Variants in HKDC1 observed in about 807,000 individuals in gnomAD.
HKDC1 encodes hexokinase domain containing 1, also known as hexokinase HKDC1.
In HKDC1, 66 loss-of-function variants were observed where a neutral mutation model predicts 96.6. The ratio of observed to expected loss-of-function variants is 0.68; its 90% confidence interval spans 0.56 to 0.84. The LOEUF is 0.84. HKDC1 is among the 40% of genes least tolerant of loss of function. The probability of loss-of-function intolerance (pLI) is 0.00; values close to 1 mark genes in which losing one functional copy is unlikely to be tolerated. For missense variants in HKDC1, 1,211 were observed against 1,208.1 expected, an observed-to-expected ratio of 1.00 and a Z score of -0.04; for synonymous variants, 466 against 473.1, an observed-to-expected ratio of 0.98 and a Z score of 0.20.
intron 1 of HKDC1, among the ~76,000 whole-genome samples, chr10:69,221,578 G>C (rs1242335955): frequency 6.6e-6 from 1 of 152,118 alleles, no homozygotes; most frequent in African/African-American, 2.4e-5. Flanking sequence ...CAAGTTGGCT[G>C]ACTCTTCCTT....
At chr10:69,240,937 C>T (rs1174837327) in intron 6 of HKDC1, among the ~76,000 whole-genome samples, 186 bp downstream of exon 6, 5 of 152,116 alleles carry the variant, frequency 3.3e-5, no homozygotes, top group Admixed American at 6.6e-5. Context: ...CATTGTGTGC[C>T]GGCCCCTGGG....
At chr10:69,249,149 C>A (rs546363221) in intron 10 of HKDC1, among the ~76,000 whole-genome samples, 1 of 152,286 alleles carries the variant, frequency 6.6e-6, no homozygotes, top group Non-Finnish European at 1.5e-5. Context: ...GCTTCTGCCC[C>A]CAACTTCTCC....
At position 69,239,071 on chromosome 10, in the gene HKDC1, T is replaced by G. The variant is rs1003834962; in HGVS notation, c.525T>G (p.Phe175Leu). The G allele has an allele frequency of 1.2e-6, 2 of 1,613,834 alleles. No homozygotes were observed. Among genetic ancestry groups the G allele is most frequent in the Non-Finnish European group, 1.7e-6 (2 of 1,179,786 alleles). Residue 175 changes from phenylalanine to leucine, a missense_variant, in exon 5 of 18, where the codon TTT (phenylalanine) becomes TTG (leucine). By Grantham distance (22) the Phe-to-Leu change is conservative (BLOSUM62 0). Transcript: ENST00000354624. Reference protein sequence around the residue: ...EGVLLSWTKKFKARGVQDTDV... With the variant: ...EGVLLSWTKKLKARGVQDTDV... The stretch of plus-strand genomic sequence containing the variant: ...TCCTACTTTCGTGGACAAAAAAGTT[T>G]AAGGCACGAGGAGTTCAGGACACGG...
intron 2 of HKDC1, among the ~76,000 whole-genome samples, chr10:69,231,174 C>T (rs1564725952): frequency 1.3e-5 from 2 of 152,180 alleles, no homozygotes; most frequent in Admixed American, 6.5e-5. Flanking sequence ...CATCCCCTCC[C>T]GTCCGATGGC....
At chr10:69,249,747 C>G (rs1589412755) in intron 10 of HKDC1, among the ~76,000 whole-genome samples, 2 of 152,082 alleles carry the variant, frequency 1.3e-5, no homozygotes, top group South Asian at 4.2e-4. Context: ...GATCCACCTG[C>G]CTCGGCCTCC....
chr10:69,226,988 C>CT (rs1843168333), intron 1 of HKDC1, among the ~76,000 whole-genome samples: 1 of 152,186 alleles, frequency 6.6e-6, no homozygotes, highest in African/African-American at 2.4e-5. Flanking sequence ...AGAGAAGTAA[C>CT]TCCACACCTT....
intron 16 of HKDC1, among the ~76,000 whole-genome samples, chr10:69,265,082 A>C (rs1164408157): frequency 2.6e-5 from 4 of 152,264 alleles, no homozygotes; most frequent in African/African-American, 9.6e-5. Context: ...AGAAATGAGA[A>C]AAAGGGAAGA....
intron 4 of HKDC1, among the ~76,000 whole-genome samples, chr10:69,237,277 T>TTGTGTGTGTGTGTGTGTG (rs71035080): frequency 1.4e-5 from 2 of 145,598 alleles, no homozygotes; most frequent in Non-Finnish European, 1.5e-5. Context: ...AGAAATTTCT[T>TTGTGTGTGTGTGTGTGTG]TGTGTGTGTG....
At chr10:69,246,323 G>A in intron 8 of HKDC1, 89 bp downstream of exon 8, 4 of 1,365,030 alleles carry the variant, frequency 2.9e-6, no homozygotes, top group Non-Finnish European at 3.1e-6. Flanking sequence ...CAGCAGGAGG[G>A]ACTAGATCCT....
intron 14 of HKDC1, 113 bp from the exon 15 acceptor site, chr10:69,258,663 C>G (rs1843757563): frequency 9.6e-7 from 1 of 1,040,988 alleles, no homozygotes; most frequent in Non-Finnish European, 1.5e-6. Context: ...AAGCTGGAAT[C>G]GCATCCAGTT....
rs575180113 is a variant in HKDC1, at chr10:69,232,850, G to A, written c.313G>A (p.Val105Met). 4.1e-5 allele frequency: 66 copies of A among 1,614,140 alleles called. No homozygotes were observed. The East Asian group carries it at 9.1e-4, about 22-fold the overall frequency. Reference sequence around the variant, plus strand: ...AGTCGCTGAAGAGGGGAAGCGACACGTGCAGATGGAGAGTCAGTTCTACCC... The same window carrying A: ...AGTCGCTGAAGAGGGGAAGCGACACATGCAGATGGAGAGTCAGTTCTACCC... ...VQVAEEGKRH[V>M]QMESQFYPTP... Residue 105 changes from valine (V) to methionine (M), a missense_variant, in exon 3 of 18, where the codon GTG becomes ATG. Transcript: ENST00000354624.
At chr10:69,261,921 G>A (rs1028617341) in intron 16 of HKDC1, 3 of 215,888 alleles carry the variant, frequency 1.4e-5, no homozygotes, top group Non-Finnish European at 2.9e-5. Flanking sequence ...GCAGCATTTA[G>A]CATTTTCCTC....
Position 69,232,785 on chromosome 10 carries a change from T to C in HKDC1, c.248T>C (p.Leu83Pro), listed in dbSNP as rs1843287628. 1.2e-6 allele frequency: 2 copies of C among 1,613,988 alleles called. No individual in the cohort carries two copies. The highest frequency in any genetic ancestry group is 2.7e-5 in the African/African-American group (2 of 74,918). ...ATAGAAAATGGGGAGTTCCTTTCCC[T>C]GGATCTCGGAGGGTCCAAGTTCCGA... Reference protein sequence around the residue: ...DGSENGEFLSLDLGGSKFRVL... With the variant: ...DGSENGEFLSPDLGGSKFRVL... The change falls in exon 3 of 18, where the codon CTG (leucine) becomes CCG (proline). Residue 83 changes from leucine to proline, a missense_variant. Leu to Pro is a moderately conservative substitution (Grantham distance 98). Transcript: ENST00000354624.
intron 1 of HKDC1, chr10:69,223,186 A>AG (rs1843094401): frequency 6.6e-6 from 1 of 152,220 alleles, no homozygotes; most frequent in South Asian, 2.1e-4. Flanking sequence ...GTTCATCCAC[A>AG]GGAGAACTGG....
chr10:69,262,882 A>C (rs748640891), intron 16 of HKDC1, among the ~76,000 whole-genome samples: 1 of 151,568 alleles, frequency 6.6e-6, no homozygotes, highest in African/African-American at 2.4e-5. Flanking sequence ...CTTCTCCCTC[A>C]TAAGCAATAG....
intron 1 of HKDC1, chr10:69,223,252 G>A (rs550100190): frequency 2.0e-5 from 3 of 152,140 alleles, no homozygotes; most frequent in Non-Finnish European, 4.4e-5. Context: ...CAAAAAAGTG[G>A]AAATGTTACT....
At chr10:69,247,694 C>A in intron 9 of HKDC1, 101 bp downstream of exon 9, 2 of 855,950 alleles carry the variant, frequency 2.3e-6, no homozygotes, top group Non-Finnish European at 3.7e-6. Flanking sequence ...CTGGAACCAA[C>A]AACCCCTCTT....
intron 12 of HKDC1, among the ~76,000 whole-genome samples, chr10:69,252,155 A>G (rs1030742581): frequency 4.1e-4 from 63 of 152,360 alleles, no homozygotes; most frequent in Middle Eastern, 3.4e-3. Context: ...TTATCATTTA[A>G]TAGATAATTC....
In HKDC1 at chr10:69,232,638, A is replaced by ATG. The variant is rs1224922124; in HGVS notation, c.227-125_227-124dup. The ATG allele has an allele frequency of 1.9e-5, 17 of 888,316 alleles. 1 individual carries two copies. The South Asian group carries it at 2.7e-4, about 14-fold the overall frequency. 55.0% of individuals were successfully genotyped at this position (888,316 alleles called of 1,614,324 possible). ...TGGCCAGAGTCCTCAGCCTTGGCAA[A>ATG]TGAGCATAATGATACCTAGTGGCTG... On this transcript the variant is annotated intron_variant, in intron 2 of 17. Coordinates refer to ENST00000354624, the MANE Select transcript of HKDC1 (RefSeq NM_025130.4).
Sources: gnomAD v4.1 joint callset for allele counts (sites outside exome capture counted in the v4.1 genomes callset) on GRCh38, gnomAD v4.1.1 for gene constraint, MANE v1.5 for transcripts, NCBI Gene and HGNC (gene_info 2026-07-23, HGNC 2026-07-21) for gene names.